The following NHSL3 variants were observed in gnomAD, a reference collection of about 807,000 sequenced individuals.
The protein encoded by NHSL3 is NHS-like protein 3.
chr1:32,745,370 C>G, the NHSL3 span, among the ~76,000 whole-genome samples: 2 of 151,552 alleles, frequency 1.3e-5, no homozygotes, highest in African/African-American at 4.9e-5. Context: ...CCAGCCTGAC[C>G]AACATGGTGA....
chr1:32,768,317 G>A, the NHSL3 span, among the ~76,000 whole-genome samples: 4 of 152,150 alleles, frequency 2.6e-5, no homozygotes, highest in Non-Finnish European at 5.9e-5. Context: ...TGGGAGGCTG[G>A]GCGAGGTGGC....
the NHSL3 span, among the ~76,000 whole-genome samples, chr1:32,760,683 T>C: frequency 6.6e-6 from 1 of 151,364 alleles, no homozygotes; most frequent in South Asian, 2.1e-4. Context: ...CTTCGCCTCC[T>C]GGGTTCAAGC....
chr1:32,746,248 C>G, the NHSL3 span, among the ~76,000 whole-genome samples: 7 of 89,110 alleles, frequency 7.9e-5, no homozygotes, highest in African/African-American at 2.0e-4. Flanking sequence ...AAAAAAAAAA[C>G]AAAAAAGAAC....
the NHSL3 span, among the ~76,000 whole-genome samples, chr1:32,745,985 C>G: frequency 6.6e-6 from 1 of 151,992 alleles, no homozygotes; most frequent in Non-Finnish European, 1.5e-5. Context: ...AATCCCAGCA[C>G]TTTGGGAGGC....
chr1:32,758,497 C>T, the NHSL3 span, among the ~76,000 whole-genome samples: 2 of 152,080 alleles, frequency 1.3e-5, no homozygotes, highest in African/African-American at 4.8e-5. Context: ...CTCCATTCCC[C>T]CCATGTCTCG....
At chr1:32,756,452 T>C in the NHSL3 span, among the ~76,000 whole-genome samples, 1 of 123,082 alleles carries the variant, frequency 8.1e-6, no homozygotes. Context: ...TGAGAGTAGC[T>C]TGGGGCAACA....
At chr1:32,769,334 T>G in the NHSL3 span, among the ~76,000 whole-genome samples, 1 of 152,200 alleles carries the variant, frequency 6.6e-6, no homozygotes, top group Non-Finnish European at 1.5e-5. Flanking sequence ...TGTGTGACCT[T>G]GGGAAAACCC....
chr1:32,770,543 C>A, the NHSL3 span: 8 of 1,529,684 alleles, frequency 5.2e-6, no homozygotes, highest in African/African-American at 1.1e-4. This position sits in a 1 kb window ranked among gnomAD's most constrained non-coding sequence, Gnocchi z 8.3. Flanking sequence ...GTACCCCCTC[C>A]CCAGGGAGGC....
chr1:32,766,529 G>A, the NHSL3 span, among the ~76,000 whole-genome samples: 3 of 152,024 alleles, frequency 2.0e-5, no homozygotes, highest in Admixed American at 6.5e-5. Flanking sequence ...GCACTGGTCT[G>A]GTTGGATCTG....
chr1:32,743,448 A>T, the NHSL3 span, among the ~76,000 whole-genome samples: 2 of 152,186 alleles, frequency 1.3e-5, no homozygotes, highest in Non-Finnish European at 2.9e-5. Context: ...GACTGGGCCA[A>T]ACCCTGAGGG....
chr1:32,751,227 C>T, the NHSL3 span, among the ~76,000 whole-genome samples: 30 of 152,222 alleles, frequency 2.0e-4, no homozygotes, highest in Non-Finnish European at 2.9e-4. Context: ...CCTAGCCTAG[C>T]CTGTCCTGTG....
the NHSL3 span, chr1:32,770,887 C>A: frequency 6.2e-7 from 1 of 1,609,540 alleles, no homozygotes; most frequent in East Asian, 2.2e-5. The surrounding 1 kb of genome is among the most constrained non-coding windows in gnomAD (Gnocchi z 8.3). Context: ...TTCCCGGCGC[C>A]CCCCACGGTC....
chr1:32,770,038 G>C, the NHSL3 span: 1 of 1,585,408 alleles, frequency 6.3e-7, no homozygotes, highest in Non-Finnish European at 8.6e-7. This position sits in a 1 kb window ranked among gnomAD's most constrained non-coding sequence, Gnocchi z 8.3. Context: ...GGCTGGCGCT[G>C]AGACAGAGGC....
At chr1:32,774,439 G>C in the NHSL3 span, 1 of 152,268 alleles carries the variant, frequency 6.6e-6, no homozygotes, top group Non-Finnish European at 1.5e-5. Flanking sequence ...GAGTGCTGCT[G>C]GGTGTACGCT....
the NHSL3 span, among the ~76,000 whole-genome samples, chr1:32,752,901 GCACACACACA>G: frequency 4.2e-4 from 30 of 71,636 alleles, no homozygotes; most frequent in African/African-American, 1.6e-3. Flanking sequence ...AAAAAAACAT[GCACACACACA>G]CACACACACA....
chr1:32,764,717 C>T, the NHSL3 span, among the ~76,000 whole-genome samples: 2 of 152,306 alleles, frequency 1.3e-5, no homozygotes, highest in East Asian at 1.9e-4. Flanking sequence ...AAGTGATCTG[C>T]CCACCTTGGC....
At chr1:32,753,873 G>A in the NHSL3 span, 6 of 192,478 alleles carry the variant, frequency 3.1e-5, no homozygotes, top group African/African-American at 9.4e-5. Flanking sequence ...CCCGGGAGGG[G>A]CGGAGCCGAC....
the NHSL3 span, chr1:32,774,157 G>C: frequency 2.0e-5 from 3 of 152,688 alleles, no homozygotes; most frequent in Non-Finnish European, 4.4e-5. Flanking sequence ...CCACAGCAGC[G>C]TGGCTGCCCC....
chr1:32,753,801 C>T, the NHSL3 span, among the ~76,000 whole-genome samples: 7 of 152,240 alleles, frequency 4.6e-5, no homozygotes, highest in Non-Finnish European at 1.0e-4. Context: ...CCTGCCCCAC[C>T]TGGACTGGCC....
Sources: gnomAD v4.1 joint callset for allele counts (sites outside exome capture counted in the v4.1 genomes callset) on GRCh38, gnomAD v4.1.1 for gene constraint, Gnocchi (gnomAD v3.1) non-coding constraint, MANE v1.5 for transcripts, NCBI Gene and HGNC (gene_info 2026-07-23, HGNC 2026-07-21) for gene names.